The following RCL1 variants were observed in gnomAD, a reference collection of about 807,000 sequenced individuals.
The protein encoded by RCL1 is RNA 3'-terminal phosphate cyclase-like protein.
Under a neutral mutation model 42.4 loss-of-function variants are expected in RCL1, and 24 were observed. That is an observed-to-expected ratio of 0.57 (90% confidence interval 0.41 to 0.80). The LOEUF (loss-of-function observed/expected upper bound fraction) is 0.80. Among genes scored for constraint, RCL1 ranks in the 30% least tolerant of loss-of-function variants. RCL1 has a pLI of 0.00. For missense variants in RCL1, 578 were observed against 467.9 expected (o/e 1.24, Z -2.17); for synonymous variants, 228 against 177.3 (o/e 1.29, Z -2.27).
chr9:4,799,269 T>C (rs897616226), intron 1 of RCL1, among the ~76,000 whole-genome samples: 1 of 151,990 alleles, frequency 6.6e-6, no homozygotes, highest in African/African-American at 2.4e-5. Flanking sequence ...CCACAGTGCC[T>C]GGCCGTAAGT....
At chr9:4,856,420 G>A (rs889413987) in intron 8 of RCL1, among the ~76,000 whole-genome samples, 1 of 152,058 alleles carries the variant, frequency 6.6e-6, no homozygotes, top group African/African-American at 2.4e-5. Context: ...TTTGAATAAC[G>A]GGTTCAGTGA....
At chr9:4,847,043 C>A (rs779602840) in intron 7 of RCL1, among the ~76,000 whole-genome samples, 1 of 151,858 alleles carries the variant, frequency 6.6e-6, no homozygotes, top group African/African-American at 2.4e-5. Flanking sequence ...CCACGCCTGG[C>A]TAATTTTGTA....
chr9:4,822,137 C>T (rs1298922999), intron 1 of RCL1, among the ~76,000 whole-genome samples: 2 of 152,220 alleles, frequency 1.3e-5, no homozygotes, highest in African/African-American at 2.4e-5. Flanking sequence ...GTACAAATTG[C>T]AGAATCCATT....
At chr9:4,840,991 G>T (rs1385169291) in intron 5 of RCL1, among the ~76,000 whole-genome samples, 1 of 152,060 alleles carries the variant, frequency 6.6e-6, no homozygotes, top group Non-Finnish European at 1.5e-5. Flanking sequence ...AGGGGGTGGG[G>T]TTGAGGACCT....
chr9:4,810,617 A>G (rs1195584159), intron 1 of RCL1, among the ~76,000 whole-genome samples: 6 of 146,636 alleles, frequency 4.1e-5, no homozygotes, highest in Non-Finnish European at 6.0e-5. Flanking sequence ...AAAAACAGTG[A>G]TACCAAGAAT....
chr9:4,859,782 A>G (rs1818096266), intron 8 of RCL1, among the ~76,000 whole-genome samples: 1 of 152,182 alleles, frequency 6.6e-6, no homozygotes, highest in Non-Finnish European at 1.5e-5. Flanking sequence ...TGGGCAACAT[A>G]GTGAGACCCC....
intron 1 of RCL1, among the ~76,000 whole-genome samples, chr9:4,796,030 A>C (rs552456544): frequency 6.6e-6 from 1 of 152,312 alleles, no homozygotes; most frequent in African/African-American, 2.4e-5. Flanking sequence ...ATCTGGACAG[A>C]TAGGATTGAG....
intron 1 of RCL1, among the ~76,000 whole-genome samples, chr9:4,819,420 G>C (rs1230136618): frequency 6.6e-6 from 1 of 152,094 alleles, no homozygotes; most frequent in Non-Finnish European, 1.5e-5. Context: ...TTTTTCCCCA[G>C]GCTTTTTCTT....
intron 1 of RCL1, among the ~76,000 whole-genome samples, chr9:4,794,038 T>C (rs1177298069): frequency 6.6e-6 from 1 of 152,220 alleles, no homozygotes; most frequent in Non-Finnish European, 1.5e-5. Flanking sequence ...TGGCATGAGA[T>C]ACATGCATTT....
chr9:4,844,723 C>T lies in RCL1; in HGVS notation c.867+42C>T, dbSNP rs188764845. On this transcript the variant is annotated intron_variant, in intron 7 of 8. Coordinates refer to ENST00000381750, the MANE Select transcript of RCL1 (RefSeq NM_005772.5). ...CTCTGATAGAGGAGTGACCAGGAAG[C>T]AGTTTGTTTTCTCATTCTCATCTCT... 7.4e-4 allele frequency: 1,166 copies of T among 1,577,588 alleles called. 2 individuals carry two copies. The highest frequency in any genetic ancestry group is 9.1e-4 in the Non-Finnish European group (1,056 of 1,159,830).
At chr9:4,853,845 C>T (rs954430937) in intron 8 of RCL1, among the ~76,000 whole-genome samples, 2 of 151,706 alleles carry the variant, frequency 1.3e-5, no homozygotes, top group African/African-American at 4.9e-5. Flanking sequence ...TGTGGAAGTG[C>T]TGAGGAGCTA....
intron 1 of RCL1, among the ~76,000 whole-genome samples, chr9:4,814,842 C>G (rs1428870750): frequency 1.3e-5 from 2 of 151,380 alleles, no homozygotes; most frequent in East Asian, 1.9e-4. Flanking sequence ...TTTTGCTTGT[C>G]TGGGAAAGAC....
chr9:4,814,686 T>C lies in RCL1; in HGVS notation c.137-8862T>C, dbSNP rs1387093415. On this transcript the variant is annotated intron_variant, in intron 1 of 8. Coordinates refer to ENST00000381750, the MANE Select transcript of RCL1 (RefSeq NM_005772.5). ...AGTGATAAGGTTTGATTTTTTTCTC[T>C]TTGTCCTTTGTGTATTTGTTCTACC... is the stretch of plus-strand genomic sequence containing the variant. 2.0e-5 allele frequency among the ~76,000 whole-genome samples: 3 copies of C among 152,210 alleles called. No homozygotes were observed. The East Asian group carries it at 5.8e-4, about 29-fold the overall frequency.
At chr9:4,855,061 A>C (rs560580665) in intron 8 of RCL1, among the ~76,000 whole-genome samples, 2 of 146,290 alleles carry the variant, frequency 1.4e-5, no homozygotes, top group Admixed American at 6.7e-5. Flanking sequence ...TCAAAAAAAA[A>C]AAAAAAAAAA....
chr9:4,805,130 G>C (rs995899981), intron 1 of RCL1, among the ~76,000 whole-genome samples: 1 of 152,146 alleles, frequency 6.6e-6, no homozygotes, highest in African/African-American at 2.4e-5. Context: ...ATGAAGAGGG[G>C]ATAGAAAGAT....
intron 8 of RCL1, among the ~76,000 whole-genome samples, chr9:4,856,514 G>A (rs983999113): frequency 1.3e-5 from 2 of 152,182 alleles, no homozygotes; most frequent in East Asian, 1.9e-4. Flanking sequence ...TTTGAATAAC[G>A]GGTTCAGTGT....
At chr9:4,801,783 C>T (rs115189143) in intron 1 of RCL1, among the ~76,000 whole-genome samples, 2 of 141,670 alleles carry the variant, frequency 1.4e-5, no homozygotes, top group African/African-American at 5.2e-5. Context: ...GAAACGGCAT[C>T]TTTTTTCCAT....
chr9:4,841,881 G>A (rs1439995142), intron 6 of RCL1, among the ~76,000 whole-genome samples: 1 of 152,066 alleles, frequency 6.6e-6, no homozygotes, highest in African/African-American at 2.4e-5. Flanking sequence ...TTCTAAGTAA[G>A]GAAAATAAGT....
At chr9:4,831,951 G>C (rs1816955379) in intron 3 of RCL1, among the ~76,000 whole-genome samples, 1 of 152,202 alleles carries the variant, frequency 6.6e-6, no homozygotes, top group South Asian at 2.1e-4. Flanking sequence ...CTAATTAGAA[G>C]CAGAGCTGGG....
Sources: gnomAD v4.1 joint callset for allele counts (sites outside exome capture counted in the v4.1 genomes callset) on GRCh38, gnomAD v4.1.1 for gene constraint, MANE v1.5 for transcripts, NCBI Gene and HGNC (gene_info 2026-07-23, HGNC 2026-07-21) for gene names.